Variants in FGF18 observed in about 807,000 individuals in gnomAD.
The protein encoded by FGF18 is fibroblast growth factor 18.
In FGF18, 5 loss-of-function variants were observed where a neutral mutation model predicts 23.0. The ratio of observed to expected loss-of-function variants is 0.22; its 90% CI spans 0.11 to 0.46. The LOEUF (loss-of-function observed/expected upper bound fraction) is 0.46, where lower values mean the gene tolerates loss of function less well. FGF18 is among the 20% of genes least tolerant of loss of function. The pLI is 0.99. For missense variants in FGF18, 180 were observed against 291.6 expected (o/e 0.62, Z 2.79); for synonymous variants, 117 against 118.9 (o/e 0.98, Z 0.10).
At chr5:171,430,306 C>T (rs1450367450) in intron 2 of FGF18, among the ~76,000 whole-genome samples, 1 of 141,652 alleles carries the variant, frequency 7.1e-6, no homozygotes, top group Non-Finnish European at 1.5e-5. Flanking sequence ...TGCAGTGAGC[C>T]AAGATCACGC....
intron 2 of FGF18, among the ~76,000 whole-genome samples, 192 bp from the exon 3 acceptor site, chr5:171,435,901 C>G (rs772468067): frequency 4.6e-5 from 7 of 152,164 alleles, no homozygotes; most frequent in Non-Finnish European, 1.0e-4. Flanking sequence ...GGCAACTTGC[C>G]TCGCCTCTCA....
intron 3 of FGF18, among the ~76,000 whole-genome samples, chr5:171,437,821 C>G (rs2113346432): frequency 1.3e-5 from 2 of 152,272 alleles, no homozygotes; most frequent in Non-Finnish European, 2.9e-5. Flanking sequence ...CTCTCATTGG[C>G]CCCTCCAGGC....
chr5:171,433,576 A>T (rs781699385), intron 2 of FGF18, among the ~76,000 whole-genome samples: 9 of 152,196 alleles, frequency 5.9e-5, no homozygotes, highest in South Asian at 2.1e-4. Context: ...AGGATGTGGA[A>T]GGAGGCGGGA....
Position 171,440,422 on chromosome 5 carries a change from G to T in FGF18, c.250+4149G>T, listed in dbSNP as rs1164244236. On this transcript the variant is annotated intron_variant, in intron 3 of 4. Coordinates refer to ENST00000274625, the MANE Select transcript of FGF18 (RefSeq NM_003862.3). This position sits in a 1 kb window ranked among gnomAD's most constrained non-coding sequence, Gnocchi z 4.0. ...AGGTCTCTGCCCCAGTGAGGGAGGA[G>T]GGCCTTTGGCTCCCCTGATTGCGTG... Among the ~76,000 whole-genome samples, 1 of 152,070 alleles carries T rather than the reference G, an allele frequency of 6.6e-6. No homozygotes were observed. Among genetic ancestry groups the T allele is most frequent in the African/African-American group, 2.4e-5 (1 of 41,404 alleles).
chr5:171,450,978 C>A (rs1264527618), intron 4 of FGF18, among the ~76,000 whole-genome samples: 4 of 152,074 alleles, frequency 2.6e-5, no homozygotes, highest in African/African-American at 9.7e-5. Context: ...TCGCCGTCTG[C>A]GTGCTGTTCC....
intron 2 of FGF18, among the ~76,000 whole-genome samples, chr5:171,435,711 G>A (rs959350405): frequency 6.6e-5 from 10 of 152,122 alleles, no homozygotes; most frequent in Middle Eastern, 6.8e-3. Flanking sequence ...TTTTCTTCCC[G>A]TTTGCTCACT....
rs537061429 is a variant in FGF18, at chr5:171,449,937, G to A, written c.357+684G>A. On this transcript the variant is annotated intron_variant, in intron 4 of 4. Coordinates refer to ENST00000274625, the MANE Select transcript of FGF18 (RefSeq NM_003862.3). ...GCACCCCTGTTCGTTTCCTGGGTGC[G>A]CTTGTTTGCAAAAGTCATGAACTGG... 1.1e-4 allele frequency among the ~76,000 whole-genome samples: 16 copies of A among 152,184 alleles called. 1 individual carries two copies. The highest frequency in any genetic ancestry group is 1.9e-4 in the African/African-American group (8 of 41,520).
chr5:171,443,172 C>G (rs1044112802), intron 3 of FGF18, among the ~76,000 whole-genome samples: 1 of 151,720 alleles, frequency 6.6e-6, no homozygotes, highest in African/African-American at 2.4e-5. Context: ...CCCTATAGCC[C>G]AGGCTGGAGT....
intron 2 of FGF18, among the ~76,000 whole-genome samples, chr5:171,423,077 G>T (rs1305651527): frequency 6.6e-6 from 1 of 152,134 alleles, no homozygotes; most frequent in Non-Finnish European, 1.5e-5. Flanking sequence ...TGGAGTTTCT[G>T]GGCCCCTCCT....
Position 171,457,123 on chromosome 5 carries a change from G to T in FGF18, c.*318G>T. On this transcript the variant is annotated 3_prime_UTR_variant, in exon 5 of 5. Coordinates refer to ENST00000274625, the MANE Select transcript of FGF18 (RefSeq NM_003862.3). ...TTGAATGAGGAAACCAACACTTTGAGAAACCAAAGTCCTTTTTCCCAAAGG... is the reference window on the plus strand; with the variant it reads ...TTGAATGAGGAAACCAACACTTTGATAAACCAAAGTCCTTTTTCCCAAAGG... 2.4e-5 allele frequency: 4 copies of T among 166,922 alleles called. No homozygotes were observed. Among genetic ancestry groups the T allele is most frequent in the East Asian group, 2.5e-4 (2 of 8,006 alleles). 10.3% of individuals were successfully genotyped at this position (166,922 alleles called of 1,614,324 possible). A position where few individuals can be genotyped will look rare whatever the true frequency, so the allele number is the denominator to read the frequency against.
At position 171,440,343 on chromosome 5, in the gene FGF18, C is replaced by A. The variant is rs555488887; in HGVS notation, c.250+4070C>A. ...GTACTCCTGTCTGCTGTCAGTGGGA[C>A]CTGGCAGGTTAGATGCAGGTAGAAG... On this transcript the variant is annotated intron_variant, in intron 3 of 4. Transcript: ENST00000274625. This position sits in a 1 kb window ranked among gnomAD's most constrained non-coding sequence, Gnocchi z 4.0. 6.6e-6 allele frequency among the ~76,000 whole-genome samples: 1 copy of A among 152,114 alleles called. No homozygotes were observed. Among genetic ancestry groups the A allele is most frequent in the Admixed American group, 6.5e-5 (1 of 15,282 alleles).
chr5:171,423,271 C>T (rs1315669433), intron 2 of FGF18, among the ~76,000 whole-genome samples: 1 of 152,218 alleles, frequency 6.6e-6, no homozygotes, highest in Non-Finnish European at 1.5e-5. Flanking sequence ...CCCTTCTCCA[C>T]ACGACTCAGG....
chr5:171,438,485 G>A (rs942351297), intron 3 of FGF18, among the ~76,000 whole-genome samples: 8 of 152,132 alleles, frequency 5.3e-5, no homozygotes, highest in South Asian at 2.1e-4. Flanking sequence ...TCTCGGGGGC[G>A]AGGCCTGAGC....
chr5:171,420,520 C>G, intron 2 of FGF18, 77 bp downstream of exon 2: 2 of 1,404,384 alleles, frequency 1.4e-6, no homozygotes, highest in Non-Finnish European at 2.0e-6. Context: ...CCGGCCGCGC[C>G]CCCTCCCTGT....
In FGF18 at chr5:171,424,473, C is replaced by T. The variant is rs140035122; in HGVS notation, c.69+4030C>T. Reference sequence around the variant, plus strand: ...AATTCTGTTTCACAGATGGAGAAACCGAGGCACAGAATGAGGAAGGGATTT... The same window carrying T: ...AATTCTGTTTCACAGATGGAGAAACTGAGGCACAGAATGAGGAAGGGATTT... On this transcript the variant is annotated intron_variant, in intron 2 of 4. Coordinates refer to ENST00000274625, the MANE Select transcript of FGF18 (RefSeq NM_003862.3). Among the ~76,000 whole-genome samples, 1,014 of 152,298 alleles carry T rather than the reference C, an allele frequency of 6.7e-3. 14 individuals are homozygous for T. Among genetic ancestry groups the T allele is most frequent in the African/African-American group, 0.023 (973 of 41,574 alleles).
intron 2 of FGF18, among the ~76,000 whole-genome samples, chr5:171,431,393 G>A (rs1561885609): frequency 6.6e-6 from 1 of 152,208 alleles, no homozygotes; most frequent in Non-Finnish European, 1.5e-5. Flanking sequence ...CACCGGGAGA[G>A]GATGAGACCG....
intron 2 of FGF18, among the ~76,000 whole-genome samples, chr5:171,431,210 C>T (rs1772177685): frequency 2.0e-5 from 3 of 152,172 alleles, no homozygotes; most frequent in African/African-American, 7.2e-5. Context: ...TGGTACTAGG[C>T]TGGGGGCTCA....
chr5:171,431,386 C>T (rs939980895), intron 2 of FGF18, among the ~76,000 whole-genome samples: 2 of 152,028 alleles, frequency 1.3e-5, no homozygotes, highest in South Asian at 2.1e-4. Flanking sequence ...AGAGCTGCAC[C>T]GGGAGAGGAT....
chr5:171,427,606 AATTG>A (rs1490556772), intron 2 of FGF18, among the ~76,000 whole-genome samples: 6 of 152,248 alleles, frequency 3.9e-5, no homozygotes, highest in African/African-American at 1.4e-4. Context: ...TGGTAGGAGT[AATTG>A]ATGACTAGCT....
Sources: allele counts gnomAD v4.1 joint callset (sites outside exome capture counted in the v4.1 genomes callset), GRCh38; gene constraint gnomAD v4.1.1; non-coding constraint Gnocchi (gnomAD v3.1); transcripts MANE v1.5; gene names NCBI Gene and HGNC (gene_info 2026-07-23, HGNC 2026-07-21).